The following ADAMTS17 variants were observed in gnomAD, a reference collection of about 807,000 sequenced individuals.
ADAMTS17 encodes ADAM metallopeptidase with thrombospondin type 1 motif 17.
Under a neutral mutation model 141.5 loss-of-function variants are expected in ADAMTS17, and 113 were observed. That is an observed-to-expected ratio of 0.80 (90% CI 0.69 to 0.93). ADAMTS17 has a LOEUF of 0.93. ADAMTS17 is among the 40% of genes least tolerant of loss of function. The probability of loss-of-function intolerance (pLI) is 0.00; values close to 1 mark genes in which losing one functional copy is unlikely to be tolerated. For missense variants in ADAMTS17, 1,659 were observed against 1,517.9 expected (o/e 1.09, Z -1.54); for synonymous variants, 768 against 630.6 (o/e 1.22, Z -3.27).
chr15:100,110,207 GTATA>G (rs1370678338), intron 13 of ADAMTS17, among the ~76,000 whole-genome samples: 1 of 141,312 alleles, frequency 7.1e-6, no homozygotes, highest in Non-Finnish European at 1.5e-5. Context: ...ATATATATCA[GTATA>G]TATATATTTT....
intron 15 of ADAMTS17, among the ~76,000 whole-genome samples, chr15:100,077,461 C>CAAAAAAAAAAAAAAA (rs61464362): frequency 7.2e-6 from 1 of 139,334 alleles, no homozygotes; most frequent in African/African-American, 2.7e-5. Flanking sequence ...GACTCCCTCT[C>CAAAAAAAAAAAAAAA]AAAAAAAAAA....
At chr15:100,192,743 C>T (rs1185289472) in intron 8 of ADAMTS17, among the ~76,000 whole-genome samples, 1 of 152,234 alleles carries the variant, frequency 6.6e-6, no homozygotes, top group Non-Finnish European at 1.5e-5. Context: ...CATTTCCATG[C>T]TTCACACATC....
At chr15:100,068,439 CAG>C (rs201543123) in intron 15 of ADAMTS17, among the ~76,000 whole-genome samples, 1,681 of 152,344 alleles carry the variant, frequency 0.011, 31 homozygotes, top group African/African-American at 0.039. Flanking sequence ...CATCTGCGAA[CAG>C]AGAGACTGCC....
chr15:99,991,111 T>G (rs1407035045), intron 20 of ADAMTS17, among the ~76,000 whole-genome samples: 1 of 152,112 alleles, frequency 6.6e-6, no homozygotes, highest in Non-Finnish European at 1.5e-5. Context: ...ATAGGCATGG[T>G]CAAAGACTTT....
At chr15:100,210,961 C>T (rs749386878) in intron 7 of ADAMTS17, among the ~76,000 whole-genome samples, 5 of 151,926 alleles carry the variant, frequency 3.3e-5, no homozygotes, top group Admixed American at 6.6e-5. Context: ...ATTAGCTGGG[C>T]GTGGTGGCAG....
At chr15:100,005,907 G>A (rs1423926473) in intron 18 of ADAMTS17, among the ~76,000 whole-genome samples, 2 of 151,994 alleles carry the variant, frequency 1.3e-5, no homozygotes, top group African/African-American at 4.8e-5. Context: ...TTCTGGTGGC[G>A]GCTGGGAAGC....
rs1014930421 is a variant in ADAMTS17, at chr15:100,234,765, C to T, written c.1075+19371G>A. Among the ~76,000 whole-genome samples the T allele has an allele frequency of 2.6e-5, 4 of 152,256 alleles. No homozygotes were observed. The South Asian group carries it at 6.2e-4, about 24-fold the overall frequency. ...ACCACTCCTCTGACTGCTGCCTCTC[C>T]GGGAAACCTTCCATTCCATCAGCAG... On this transcript the variant is annotated intron_variant, in intron 7 of 21. Transcript: ENST00000268070.
chr15:99,998,052 C>T (rs183262226), intron 18 of ADAMTS17, among the ~76,000 whole-genome samples: 33 of 152,252 alleles, frequency 2.2e-4, no homozygotes, highest in Admixed American at 1.7e-3. Context: ...ACAGACAGCC[C>T]GCACCACTAC....
At position 99,976,031 on chromosome 15, in the gene ADAMTS17, G is replaced by C. The variant is rs367849961; in HGVS notation, c.3127+14C>G. 12 of 1,547,766 alleles carry C rather than the reference G, an allele frequency of 7.8e-6. No homozygotes were observed. The highest frequency in any genetic ancestry group is 1.7e-4 in the Middle Eastern group (1 of 5,978). Reference sequence around the variant, plus strand: ...AGCAGCCCCCTGGGAACCGGGGCCAGTGAAGACACTCACCAAGGCGGGGGG... The same window carrying C: ...AGCAGCCCCCTGGGAACCGGGGCCACTGAAGACACTCACCAAGGCGGGGGG... On this transcript the variant is annotated intron_variant, in intron 21 of 21. Coordinates refer to ENST00000268070, the MANE Select transcript of ADAMTS17 (RefSeq NM_139057.4).
intron 21 of ADAMTS17, among the ~76,000 whole-genome samples, 173 bp from the exon 22 acceptor site, chr15:99,974,735 TTC>T (rs1276097303): frequency 2.6e-5 from 4 of 152,376 alleles, no homozygotes; most frequent in Non-Finnish European, 4.4e-5. Context: ...GGGTGCCACT[TTC>T]TGTCACAGGG....
Position 100,117,021 on chromosome 15 carries a change from G to T in ADAMTS17, c.1722-8C>A. 6.2e-7 allele frequency: 1 copy of T among 1,602,048 alleles called. No homozygotes were observed. Among genetic ancestry groups the T allele is most frequent in the Non-Finnish European group, 8.5e-7 (1 of 1,174,652 alleles). On this transcript the variant is annotated splice_polypyrimidine_tract_variant and splice_region_variant and intron_variant, in intron 12 of 21. Coordinates refer to ENST00000268070, the MANE Select transcript of ADAMTS17 (RefSeq NM_139057.4). The stretch of plus-strand genomic sequence containing the variant: ...GTGCCTCCAGGCCCAGGGCTAGAAG[G>T]AAGAAGAAGGTCTGTGTTAACCAGG...
chr15:100,252,407 G>A (rs1258298303), intron 7 of ADAMTS17, among the ~76,000 whole-genome samples: 2 of 152,210 alleles, frequency 1.3e-5, no homozygotes, highest in Admixed American at 1.3e-4. Flanking sequence ...GCTGGGCTCT[G>A]TTTTGCTCAG....
At chr15:100,245,547 A>G (rs2042961145) in intron 7 of ADAMTS17, among the ~76,000 whole-genome samples, 1 of 152,216 alleles carries the variant, frequency 6.6e-6, no homozygotes. Context: ...AAACATACCT[A>G]CATATTTTCA....
intron 18 of ADAMTS17, among the ~76,000 whole-genome samples, chr15:100,016,690 G>T (rs1226165698): frequency 6.6e-6 from 1 of 152,198 alleles, no homozygotes; most frequent in Admixed American, 6.5e-5. Flanking sequence ...ATTGAGGCTT[G>T]TCTGCACAGA....
At chr15:100,254,571 A>T (rs2141964974) in intron 6 of ADAMTS17, among the ~76,000 whole-genome samples, 1 of 152,334 alleles carries the variant, frequency 6.6e-6, no homozygotes, top group Middle Eastern at 3.4e-3. Context: ...TTGGGCAGCA[A>T]CTGGTTTTTG....
At chr15:100,138,552 G>C (rs546322315) in intron 10 of ADAMTS17, among the ~76,000 whole-genome samples, 1 of 152,170 alleles carries the variant, frequency 6.6e-6, no homozygotes, top group Non-Finnish European at 1.5e-5. Context: ...TCTGTGACTA[G>C]AAAACAGACC....
intron 20 of ADAMTS17, among the ~76,000 whole-genome samples, chr15:99,992,430 G>T (rs1262099689): frequency 1.3e-5 from 2 of 152,188 alleles, no homozygotes; most frequent in Non-Finnish European, 2.9e-5. Context: ...TGGCAGTGGG[G>T]CTCACCTTGG....
intron 7 of ADAMTS17, among the ~76,000 whole-genome samples, chr15:100,237,595 A>T (rs957074048): frequency 2.0e-5 from 3 of 152,094 alleles, no homozygotes; most frequent in African/African-American, 7.2e-5. Context: ...CTCAATACAC[A>T]AGTAGGGAAA....
chr15:100,112,335 T>C (rs929783752), intron 13 of ADAMTS17, among the ~76,000 whole-genome samples: 1 of 152,136 alleles, frequency 6.6e-6, no homozygotes, highest in African/African-American at 2.4e-5. Context: ...GAACAGAGTC[T>C]AGAGGTGGGG....
Sources: allele counts gnomAD v4.1 joint callset (sites outside exome capture counted in the v4.1 genomes callset), GRCh38; gene constraint gnomAD v4.1.1; transcripts MANE v1.5; gene names NCBI Gene and HGNC (gene_info 2026-07-23, HGNC 2026-07-21).